The following NXPH1 variants were observed in gnomAD, a reference collection of about 807,000 sequenced individuals.
NXPH1 encodes the protein neurexophilin-1.
NXPH1 carries 5 observed loss-of-function variants against 23.7 expected under a neutral mutation model. The ratio of observed to expected loss-of-function variants is 0.21; its 90% CI spans 0.11 to 0.44. The LOEUF is 0.44. NXPH1 is among the 20% of genes least tolerant of loss of function. The probability of loss-of-function intolerance (pLI) is 0.99; values close to 1 mark genes in which losing one functional copy is unlikely to be tolerated. For missense variants in NXPH1, 324 were observed against 321.6 expected, an observed-to-expected ratio of 1.01 and a Z score of -0.06; for synonymous variants, 144 against 122.2, an observed-to-expected ratio of 1.18 and a Z score of -1.18.
At chr7:8,615,582 C>G (rs572904856) in intron 2 of NXPH1, among the ~76,000 whole-genome samples, 2 of 152,138 alleles carry the variant, frequency 1.3e-5, no homozygotes, top group African/African-American at 4.8e-5. Flanking sequence ...CATTTTGGAA[C>G]AATTATATCA....
chr7:8,584,479 A>G (rs981184522), intron 2 of NXPH1, among the ~76,000 whole-genome samples: 1 of 152,178 alleles, frequency 6.6e-6, no homozygotes, highest in Non-Finnish European at 1.5e-5. Context: ...TCATAGGGGG[A>G]TAAAAGATGA....
chr7:8,449,000 TATTA>T (rs1378376915), intron 2 of NXPH1, among the ~76,000 whole-genome samples: 2 of 152,228 alleles, frequency 1.3e-5, no homozygotes, highest in South Asian at 2.1e-4. Context: ...TGATTTTAAA[TATTA>T]ATTTGTGAGT....
intron 2 of NXPH1, among the ~76,000 whole-genome samples, chr7:8,689,726 T>G (rs1042387049): frequency 6.6e-6 from 1 of 152,166 alleles, no homozygotes; most frequent in Non-Finnish European, 1.5e-5. Context: ...AATCCACTAA[T>G]GCAATTTATA....
At chr7:8,514,240 C>G (rs1024507943) in intron 2 of NXPH1, among the ~76,000 whole-genome samples, 14 of 152,254 alleles carry the variant, frequency 9.2e-5, no homozygotes, top group Non-Finnish European at 1.8e-4. Context: ...TCAATACATT[C>G]TGCTTTTTAT....
rs565213928 is a variant in NXPH1, at chr7:8,523,967, G to A, written c.54+88200G>A. 1.6e-4 allele frequency among the ~76,000 whole-genome samples: 24 copies of A among 152,158 alleles called. 1 individual carries two copies. Among genetic ancestry groups the A allele is most frequent in the South Asian group, 8.3e-4 (4 of 4,826 alleles). ...GGATACAGGAAAGCTATCTTCAGCC[G>A]GGCACGGTGGCTCATGCCTGTAATC... On this transcript the variant is annotated intron_variant, in intron 2 of 2. Transcript: ENST00000405863.
intron 2 of NXPH1, among the ~76,000 whole-genome samples, chr7:8,455,459 C>T (rs1816579028): frequency 6.6e-6 from 1 of 152,132 alleles, no homozygotes; most frequent in Non-Finnish European, 1.5e-5. Flanking sequence ...TAATGGAAAT[C>T]AGGACTGTTA....
chr7:8,570,493 A>G (rs976988766), intron 2 of NXPH1, among the ~76,000 whole-genome samples: 11 of 152,038 alleles, frequency 7.2e-5, no homozygotes, highest in African/African-American at 2.7e-4. Context: ...TGAGCCTTGT[A>G]TACTATAGTA....
chr7:8,608,398 A>G (rs1348585985), intron 2 of NXPH1, among the ~76,000 whole-genome samples: 1 of 151,334 alleles, frequency 6.6e-6, no homozygotes, highest in Non-Finnish European at 1.5e-5. Flanking sequence ...AGTGGTCACA[A>G]CTCACTGCAA....
At chr7:8,467,357 G>T (rs1816802911) in intron 2 of NXPH1, among the ~76,000 whole-genome samples, 1 of 152,076 alleles carries the variant, frequency 6.6e-6, no homozygotes, top group African/African-American at 2.4e-5. Context: ...TCTCCCTAAG[G>T]TCATATCATG....
chr7:8,710,186 T>C (rs978049433), intron 2 of NXPH1, among the ~76,000 whole-genome samples: 1 of 152,316 alleles, frequency 6.6e-6, no homozygotes, highest in African/African-American at 2.4e-5. Flanking sequence ...AGCTCTTGAT[T>C]AGAAGAGGAG....
intron 2 of NXPH1, among the ~76,000 whole-genome samples, chr7:8,671,344 C>A (rs1259561857): frequency 1.3e-5 from 2 of 152,116 alleles, no homozygotes; most frequent in Non-Finnish European, 2.9e-5. Context: ...CAGATAGGTT[C>A]CTGAGCATTC....
At chr7:8,544,640 C>T (rs1328890297) in intron 2 of NXPH1, among the ~76,000 whole-genome samples, 1 of 151,474 alleles carries the variant, frequency 6.6e-6, no homozygotes, top group East Asian at 2.0e-4. Context: ...GATTTTACGG[C>T]TTTTGTATTT....
chr7:8,696,912 G>A (rs6964851), intron 2 of NXPH1, among the ~76,000 whole-genome samples: 59,876 of 149,366 alleles, frequency 0.4, 12,305 homozygotes, highest in Non-Finnish European at 0.45. Flanking sequence ...GGGAGGCTGA[G>A]GTGGATGGAT....
intron 2 of NXPH1, among the ~76,000 whole-genome samples, chr7:8,461,277 T>G (rs1459187176): frequency 1.3e-5 from 2 of 152,218 alleles, no homozygotes; most frequent in Admixed American, 1.3e-4. Flanking sequence ...AATCCCTTTC[T>G]CATTCTCCAG....
chr7:8,464,238 G>A (rs993713744), intron 2 of NXPH1, among the ~76,000 whole-genome samples: 12 of 151,988 alleles, frequency 7.9e-5, no homozygotes, highest in Admixed American at 2.6e-4. Context: ...ATATCCCCCC[G>A]TAAAACCTTT....
At chr7:8,491,075 T>A (rs1456121403) in intron 2 of NXPH1, among the ~76,000 whole-genome samples, 2 of 152,052 alleles carry the variant, frequency 1.3e-5, no homozygotes, top group Non-Finnish European at 2.9e-5. Context: ...TTGCCTAATG[T>A]TCACCAGTTG....
intron 2 of NXPH1, among the ~76,000 whole-genome samples, chr7:8,506,101 A>AT (rs138212844): frequency 0.032 from 4,909 of 152,178 alleles, 241 homozygotes; most frequent in African/African-American, 0.11. Flanking sequence ...ACTTAGAGAG[A>AT]TTTTTAAAAA....
At chr7:8,528,574 A>G (rs1250549526) in intron 2 of NXPH1, among the ~76,000 whole-genome samples, 1 of 152,246 alleles carries the variant, frequency 6.6e-6, no homozygotes, top group Non-Finnish European at 1.5e-5. Context: ...CCTTATTTGC[A>G]TATGAAAAAT....
At position 8,578,268 on chromosome 7, in the gene NXPH1, G is replaced by A. The variant is rs149221544; in HGVS notation, c.54+142501G>A. Among the ~76,000 whole-genome samples the A allele has an allele frequency of 5.3e-3, 804 of 152,216 alleles. 4 individuals carry two copies. The highest frequency in any genetic ancestry group is 8.7e-3 in the Admixed American group (133 of 15,296). On this transcript the variant is annotated intron_variant, in intron 2 of 2. Transcript: ENST00000405863. Reference sequence around the variant, plus strand: ...AGTTGAAAATACTGTAAGATGAAAAGGTCAAATTCAAAATTTGAAGTACAG... The same window carrying A: ...AGTTGAAAATACTGTAAGATGAAAAAGTCAAATTCAAAATTTGAAGTACAG...
Sources: gnomAD v4.1 joint callset for allele counts (sites outside exome capture counted in the v4.1 genomes callset) on GRCh38, gnomAD v4.1.1 for gene constraint, MANE v1.5 for transcripts, NCBI Gene and HGNC (gene_info 2026-07-23, HGNC 2026-07-21) for gene names.